The following NET1 variants were observed in gnomAD, a reference collection of about 807,000 sequenced individuals.
NET1 encodes the protein neuroepithelial cell transforming 1, also known as neuroepithelial cell-transforming gene 1 protein.
In NET1, 42 loss-of-function variants were observed where a neutral mutation model predicts 61.1. That is an observed-to-expected ratio of 0.69 (90% CI 0.54 to 0.89). NET1 has a LOEUF of 0.89. Among genes scored for constraint, NET1 ranks in the 40% least tolerant of loss-of-function variants. NET1 has a pLI of 0.00. For synonymous variants in NET1, 254 were observed against 281.8 expected, an observed-to-expected ratio of 0.90 and a Z score of 0.99; for missense variants, 654 against 747.3, an observed-to-expected ratio of 0.88 and a Z score of 1.46.
At chr10:5,413,038 G>GA (rs928681121) in intron 1 of NET1, among the ~76,000 whole-genome samples, 1 of 129,482 alleles carries the variant, frequency 7.7e-6, no homozygotes, top group Non-Finnish European at 1.6e-5. Context: ...CGCGGGGTTG[G>GA]GGGGGGGGAC....
intron 3 of NET1, among the ~76,000 whole-genome samples, chr10:5,448,886 T>C (rs1832661666): frequency 6.6e-6 from 1 of 152,160 alleles, no homozygotes; most frequent in South Asian, 2.1e-4. Context: ...GTCTGGCCTA[T>C]CTAAATATTG....
chr10:5,414,083 A>C (rs1204325819), intron 1 of NET1, among the ~76,000 whole-genome samples: 1 of 152,208 alleles, frequency 6.6e-6, no homozygotes, highest in Admixed American at 6.5e-5. Flanking sequence ...AGAAGCATGT[A>C]GAAAGGCCCT....
At chr10:5,436,655 G>T (rs1832443129) in intron 3 of NET1, among the ~76,000 whole-genome samples, 1 of 152,090 alleles carries the variant, frequency 6.6e-6, no homozygotes, top group African/African-American at 2.4e-5. Flanking sequence ...CATTGTGATT[G>T]TTTATAATTA....
In NET1 at chr10:5,451,835, A is replaced by T. The variant is rs763401091; in HGVS notation, c.261A>T (p.Pro87=). 1.2e-6 allele frequency: 2 copies of T among 1,613,164 alleles called. No homozygotes were observed. Among genetic ancestry groups the T allele is most frequent in the South Asian group, 2.2e-5 (2 of 90,978 alleles). ...CATCTGGTTTGTTTTTATAGGAGCC[A>T]AGCAATAAAAGAGTTCGACCTCTGG... is the stretch of plus-strand genomic sequence containing the variant. ...VSLSSLDLKE[P]SNKRVRPLAR... is the part of the protein sequence containing the mutation. The change falls in exon 4 of 12, where the codon CCA becomes CCT. Residue 87 remains proline (P), a synonymous_variant. Coordinates refer to ENST00000355029, the MANE Select transcript of NET1 (RefSeq NM_001047160.3). The surrounding 1 kb of genome is among the most constrained non-coding windows in gnomAD (Gnocchi z 6.1).
Position 5,440,958 on chromosome 10 carries a change from C to T in NET1, c.256-10872C>T, listed in dbSNP as rs1476193196. On this transcript the variant is annotated intron_variant, in intron 3 of 11. Transcript: ENST00000355029. This position sits in a 1 kb window ranked among gnomAD's most constrained non-coding sequence, Gnocchi z 4.1. The stretch of plus-strand genomic sequence containing the variant: ...CCATATTTTAGCCTGGGTTCTCCCT[C>T]CAGAAATCAGAGCCTAAAACGAGGA... 2.7e-4 allele frequency among the ~76,000 whole-genome samples: 41 copies of T among 152,264 alleles called. No individual in the cohort carries two copies. Among genetic ancestry groups the T allele is most frequent in the Non-Finnish European group, 5.9e-5 (4 of 68,026 alleles).
chr10:5,419,111 G>T (rs4558074), intron 1 of NET1, among the ~76,000 whole-genome samples: 147,584 of 152,158 alleles, frequency 0.97, 71,690 homozygotes, highest in Non-Finnish European at 1. Flanking sequence ...GGATCAATCT[G>T]TTTATCACTA....
At chr10:5,429,435 C>G (rs1832314016) in intron 3 of NET1, among the ~76,000 whole-genome samples, 1 of 151,958 alleles carries the variant, frequency 6.6e-6, no homozygotes, top group African/African-American at 2.4e-5. Context: ...AGGGAGAAAC[C>G]ACTCTCAAAA....
chr10:5,448,171 G>A (rs183622320), intron 3 of NET1, among the ~76,000 whole-genome samples: 1 of 152,238 alleles, frequency 6.6e-6, no homozygotes, highest in East Asian at 1.9e-4. Flanking sequence ...AATAGACCCA[G>A]GTGCATACTA....
rs772463375 is a variant in NET1 at position 5,449,871 on chromosome 10, A to G, written c.256-1959A>G. Among the ~76,000 whole-genome samples the G allele has an allele frequency of 5.3e-5, 8 of 152,258 alleles. No homozygotes were observed. Among genetic ancestry groups the G allele is most frequent in the Non-Finnish European group, 8.8e-5 (6 of 68,046 alleles). On this transcript the variant is annotated intron_variant, in intron 3 of 11. Coordinates refer to ENST00000355029, the MANE Select transcript of NET1 (RefSeq NM_001047160.3). This position sits in a 1 kb window ranked among gnomAD's most constrained non-coding sequence, Gnocchi z 4.4. The stretch of plus-strand genomic sequence containing the variant: ...TTCTGGGAAGTCAAATTTGTTATGC[A>G]TGAAACAAGGAAGAGGAGTTAACCT...
intron 2 of NET1, among the ~76,000 whole-genome samples, chr10:5,428,791 C>T (rs956511743): frequency 4.0e-5 from 6 of 150,692 alleles, no homozygotes; most frequent in East Asian, 1.9e-4. Flanking sequence ...GGCGCAATCT[C>T]GGCTCACTGC....
At position 5,422,484 on chromosome 10, in the gene NET1, T is replaced by C. The variant is rs1349611195; in HGVS notation, c.129-4171T>C. Among the ~76,000 whole-genome samples the C allele has an allele frequency of 6.6e-6, 1 of 152,340 alleles. No individual in the cohort carries two copies. Among genetic ancestry groups the C allele is most frequent in the Non-Finnish European group, 1.5e-5 (1 of 68,022 alleles). ...TTTCCAAAGAGTACTGGATTGTTAA[T>C]GATGGAAGCCTTCAGAATTTCTCTT... is the stretch of plus-strand genomic sequence containing the variant. On this transcript the variant is annotated intron_variant, in intron 1 of 11. Coordinates refer to ENST00000355029, the MANE Select transcript of NET1 (RefSeq NM_001047160.3). This position sits in a 1 kb window ranked among gnomAD's most constrained non-coding sequence, Gnocchi z 4.1.
Position 5,455,650 on chromosome 10 carries a change from T to C in NET1, c.1198-437T>C, listed in dbSNP as rs1832784146. Among the ~76,000 whole-genome samples, 1 of 152,256 alleles carries C rather than the reference T, an allele frequency of 6.6e-6. No individual in the cohort carries two copies. The highest frequency in any genetic ancestry group is 2.4e-5 in the African/African-American group (1 of 41,464). On this transcript the variant is annotated intron_variant, in intron 10 of 11. Transcript: ENST00000355029. This position sits in a 1 kb window ranked among gnomAD's most constrained non-coding sequence, Gnocchi z 6.5. Reference sequence around the variant, plus strand: ...TAAAAAAATTTGAAATCTGACATCTTTGATTTTTCCCTCACGAGGGGAAAA... The same window carrying C: ...TAAAAAAATTTGAAATCTGACATCTCTGATTTTTCCCTCACGAGGGGAAAA...
intron 1 of NET1, among the ~76,000 whole-genome samples, chr10:5,418,661 G>A (rs1832117546): frequency 6.6e-6 from 1 of 151,756 alleles, no homozygotes; most frequent in Non-Finnish European, 1.5e-5. Flanking sequence ...AATCCTTATT[G>A]TTTCCTTCTT....
chr10:5,446,492 G>A lies in NET1; in HGVS notation c.256-5338G>A. The A allele has an allele frequency of 1.1e-6, 1 of 935,350 alleles. No homozygotes were observed. Among genetic ancestry groups the A allele is most frequent in the Non-Finnish European group, 1.3e-6 (1 of 761,244 alleles). 57.9% of individuals were successfully genotyped at this position (935,350 alleles called of 1,614,324 possible). On this transcript the variant is annotated intron_variant, in intron 3 of 11. Coordinates refer to ENST00000355029, the MANE Select transcript of NET1 (RefSeq NM_001047160.3). This position sits in a 1 kb window ranked among gnomAD's most constrained non-coding sequence, Gnocchi z 5.0. ...CCTGGGCGAAAGCTGAGAGGCCTAG[G>A]TGTGCCCAGCTCTCAGTTAACTGAA...
chr10:5,451,511 TAA>T lies in NET1; in HGVS notation c.256-307_256-306del, dbSNP rs201010625. ...TTTTCATAACAATAAGGCTTTTTTTTAAAAAAAAAAAAAGTTATTCCCTGCAT... is the reference window on the plus strand; with the variant it reads ...TTTTCATAACAATAAGGCTTTTTTTTAAAAAAAAAAAGTTATTCCCTGCAT... On this transcript the variant is annotated intron_variant, in intron 3 of 11. Transcript: ENST00000355029. This position sits in a 1 kb window ranked among gnomAD's most constrained non-coding sequence, Gnocchi z 6.1. Among the ~76,000 whole-genome samples, 90 of 147,724 alleles carry T rather than the reference TAA, an allele frequency of 6.1e-4. 1 individual carries two copies. The highest frequency in any genetic ancestry group is 3.4e-3 in the Middle Eastern group (1 of 294).
rs147356687 is a variant in NET1 at position 5,455,638 on chromosome 10, A to T, written c.1198-449A>T. Among the ~76,000 whole-genome samples the T allele has an allele frequency of 2.6e-5, 4 of 152,374 alleles. No homozygotes were observed. Among genetic ancestry groups the T allele is most frequent in the African/African-American group, 7.2e-5 (3 of 41,588 alleles). ...TGGAGTTTTGTTTAAAAAAATTTGA[A>T]ATCTGACATCTTTGATTTTTCCCTC... On this transcript the variant is annotated intron_variant, in intron 10 of 11. Transcript: ENST00000355029. This position sits in a 1 kb window ranked among gnomAD's most constrained non-coding sequence, Gnocchi z 6.5.
chr10:5,436,238 ATATATATATATTTTTT>A (rs1390205766), intron 3 of NET1, among the ~76,000 whole-genome samples: 1 of 21,892 alleles, frequency 4.6e-5, no homozygotes, highest in Non-Finnish European at 1.0e-4. Flanking sequence ...ATATATATAT[ATATATATATATTTTTT>A]TTTTTTTTTT....
intron 3 of NET1, among the ~76,000 whole-genome samples, chr10:5,430,066 C>T (rs748115314): frequency 1.7e-4 from 26 of 152,142 alleles, no homozygotes; most frequent in Non-Finnish European, 2.6e-4. Context: ...TTTTAGTACA[C>T]AGTGTCTTCA....
At chr10:5,418,475 A>G (rs975456299) in intron 1 of NET1, among the ~76,000 whole-genome samples, 14 of 152,014 alleles carry the variant, frequency 9.2e-5, no homozygotes, top group Non-Finnish European at 1.3e-4. Flanking sequence ...CTTTTCATGT[A>G]ATGTCAATAG....
Sources: gnomAD v4.1 joint callset for allele counts (sites outside exome capture counted in the v4.1 genomes callset) on GRCh38, gnomAD v4.1.1 for gene constraint, Gnocchi (gnomAD v3.1) non-coding constraint, MANE v1.5 for transcripts, NCBI Gene and HGNC (gene_info 2026-07-23, HGNC 2026-07-21) for gene names.